TMC2: variants seen among roughly 807,000 people sequenced by gnomAD.
The protein encoded by TMC2 is transmembrane channel like 2.
Under a neutral mutation model 105.9 loss-of-function variants are expected in TMC2, and 102 were observed. The ratio of observed to expected loss-of-function variants is 0.96; its 90% CI spans 0.82 to 1.14. The LOEUF is 1.14. TMC2 is among the 50% of genes most tolerant of loss of function. The pLI is 0.00. For synonymous variants in TMC2, 402 were observed against 422.8 expected (o/e 0.95, Z 0.60); for missense variants, 1,093 against 1,134.3 (o/e 0.96, Z 0.52).
intron 8 of TMC2, among the ~76,000 whole-genome samples, chr20:2,594,300 T>C (rs923719427): frequency 6.8e-6 from 1 of 146,532 alleles, no homozygotes; most frequent in Admixed American, 7.1e-5. Context: ...TGATCTCTGC[T>C]CACTGCAACC....
intron 4 of TMC2, among the ~76,000 whole-genome samples, chr20:2,569,914 G>A (rs897202717): frequency 2.0e-5 from 3 of 152,134 alleles, no homozygotes; most frequent in South Asian, 2.1e-4. Flanking sequence ...CCTGCTCCAC[G>A]TTTGATAAAA....
At chr20:2,562,904 C>A (rs889023766) in intron 4 of TMC2, among the ~76,000 whole-genome samples, 3 of 151,908 alleles carry the variant, frequency 2.0e-5, no homozygotes, top group Admixed American at 2.0e-4. Context: ...CGAGATCATG[C>A]CACTGAACTC....
Position 2,579,228 on chromosome 20 carries a change from G to C in TMC2, c.727+1G>C, listed in dbSNP as rs146755005. The C allele has an allele frequency of 6.4e-7, 1 of 1,567,780 alleles. No individual in the cohort carries two copies. Among genetic ancestry groups the C allele is most frequent in the Non-Finnish European group, 8.8e-7 (1 of 1,137,950 alleles). ...GAAATGAAGATCAAGGACATTGAAA[G>C]TGAGTATGCTGGTGTCACTGTTTTT... On this transcript the variant is annotated splice_donor_variant, in intron 6 of 19. Coordinates refer to ENST00000358864, the MANE Select transcript of TMC2 (RefSeq NM_080751.3). LOFTEE classifies it high-confidence loss of function.
intron 11 of TMC2, among the ~76,000 whole-genome samples, chr20:2,603,983 C>T (rs2086370637): frequency 6.6e-6 from 1 of 152,032 alleles, no homozygotes; most frequent in South Asian, 2.1e-4. Context: ...CCATCAGTCA[C>T]TCCACTAATG....
Position 2,636,459 on chromosome 20 carries a change from T to TACACACACACACACACACACAC in TMC2, c.2385+468_2385+489dup, listed in dbSNP as rs3051763. Among the ~76,000 whole-genome samples, 11 of 143,520 alleles carry TACACACACACACACACACACAC rather than the reference T, an allele frequency of 7.7e-5. No homozygotes were observed. The East Asian group carries it at 8.4e-4, about 11-fold the overall frequency. 94.2% of individuals were successfully genotyped at this position (143,520 alleles called of 152,430 possible). ...TGACACCCTACTTCTGACTGCTGTC[T>TACACACACACACACACACACAC]ACACACACACACACACACACACACA... On this transcript the variant is annotated intron_variant, in intron 18 of 19. Transcript: ENST00000358864.
chr20:2,539,960 G>GCAAA (rs1257583280), intron 2 of TMC2, among the ~76,000 whole-genome samples: 1 of 150,180 alleles, frequency 6.7e-6, no homozygotes, highest in African/African-American at 2.4e-5. Flanking sequence ...CCCGCAAATA[G>GCAAA]CACACAAGAC....
At chr20:2,630,221 T>G (rs2086594257) in intron 17 of TMC2, among the ~76,000 whole-genome samples, 1 of 152,188 alleles carries the variant, frequency 6.6e-6, no homozygotes, top group African/African-American at 2.4e-5. Context: ...TGGATAGAAC[T>G]TTTAGAGTTG....
intron 11 of TMC2, among the ~76,000 whole-genome samples, chr20:2,605,542 G>C (rs2086384523): frequency 6.6e-6 from 1 of 152,080 alleles, no homozygotes; most frequent in East Asian, 1.9e-4. Flanking sequence ...TATTGGATTA[G>C]GTCCCACCCT....
At chr20:2,589,350 C>A (rs113730561) in intron 7 of TMC2, among the ~76,000 whole-genome samples, 5,192 of 133,328 alleles carry the variant, frequency 0.039, 298 homozygotes, top group African/African-American at 0.14. Context: ...CATGTTGCCC[C>A]GGCTGGTCTT....
At chr20:2,629,400 T>C (rs996157651) in intron 17 of TMC2, among the ~76,000 whole-genome samples, 3 of 151,712 alleles carry the variant, frequency 2.0e-5, no homozygotes, top group Admixed American at 1.3e-4. Flanking sequence ...TTTTGGAGAG[T>C]TGAGATAAGT....
intron 17 of TMC2, among the ~76,000 whole-genome samples, chr20:2,630,469 G>A (rs1336299212): frequency 1.3e-5 from 2 of 152,010 alleles, no homozygotes; most frequent in Non-Finnish European, 2.9e-5. Flanking sequence ...AACAATTTTT[G>A]TCTTAATGTG....
intron 5 of TMC2, among the ~76,000 whole-genome samples, chr20:2,577,542 A>G (rs2086155877): frequency 6.6e-6 from 1 of 152,082 alleles, no homozygotes; most frequent in Non-Finnish European, 1.5e-5. Context: ...CCTTCTTTAT[A>G]CAATCATTCA....
Position 2,558,639 on chromosome 20 carries a change from G to C in TMC2, c.266G>C (p.Gly89Ala). 1 of 1,571,532 alleles carries C rather than the reference G, an allele frequency of 6.4e-7. No individual in the cohort carries two copies. Residue 89 changes from glycine (G) to alanine (A), a missense_variant, in exon 3 of 20, where the codon GGC becomes GCC. Gly to Ala is a moderately conservative substitution (Grantham distance 60). Coordinates refer to ENST00000358864, the MANE Select transcript of TMC2 (RefSeq NM_080751.3). The surrounding 1 kb of genome is among the most constrained non-coding windows in gnomAD (Gnocchi z 4.6). ...GAAGAGCTGGGGGAGCAGGAGCGGG[G>C]CGAGGCAGAGAGGACCTGCGAGGGC... Reference protein sequence around the residue: ...HREELGEQERGEAERTCEGRR... With the variant: ...HREELGEQERAEAERTCEGRR...
In TMC2 at chr20:2,637,499, A is replaced by G. The variant is rs1201956115; in HGVS notation, c.2411A>G (p.Lys804Arg). The G allele has an allele frequency of 1.9e-6, 3 of 1,613,802 alleles. No homozygotes were observed. Among genetic ancestry groups the G allele is most frequent in the Non-Finnish European group, 1.7e-6 (2 of 1,179,882 alleles). ...CTCCGTGAAGTTGAGAAGAGTCACA[A>G]ATCTGTAAAAGGCAAAGCCACAGCC... ...QVLREVEKSH[K>R]SVKGKATARD... The change falls in exon 19 of 20, where the codon AAA becomes AGA. Residue 804 changes from lysine to arginine, a missense_variant. By Grantham distance (26) the Lys-to-Arg change is conservative (BLOSUM62 2). Transcript: ENST00000358864.
Position 2,599,539 on chromosome 20 carries a change from A to ATTTTTTT in TMC2, c.1224+2258_1224+2264dup, listed in dbSNP as rs11409325. ...CTTCGTTTTTTTTTTCTTTAATTAC[A>ATTTTTTT]TTTTTTTTTTTTTTTTTTTTTTTGG... On this transcript the variant is annotated intron_variant, in intron 10 of 19. Transcript: ENST00000358864. Among the ~76,000 whole-genome samples the ATTTTTTT allele has an allele frequency of 3.3e-4, 28 of 85,512 alleles. 1 individual carries two copies. Among genetic ancestry groups the ATTTTTTT allele is most frequent in the African/African-American group, 7.3e-4 (15 of 20,638 alleles). The allele number at this position is 85,512 out of a possible 152,430, so 56.1% of individuals were successfully genotyped here. A position where few individuals can be genotyped will look rare whatever the true frequency, so the allele number is the denominator to read the frequency against.
intron 11 of TMC2, among the ~76,000 whole-genome samples, chr20:2,608,876 C>A (rs1242595448): frequency 6.6e-6 from 1 of 152,160 alleles, no homozygotes; most frequent in African/African-American, 2.4e-5. Context: ...TTCTTGTGGG[C>A]AGAGTGTGTG....
At chr20:2,606,256 A>G (rs1033243439) in intron 11 of TMC2, among the ~76,000 whole-genome samples, 8 of 152,058 alleles carry the variant, frequency 5.3e-5, no homozygotes, top group African/African-American at 1.7e-4. Context: ...CAGTGTATTT[A>G]TTTATTTATT....
chr20:2,581,764 G>C (rs192769233), intron 7 of TMC2, among the ~76,000 whole-genome samples: 3 of 152,286 alleles, frequency 2.0e-5, no homozygotes. Flanking sequence ...CAATTTTAAG[G>C]ACACTCGGTT....
chr20:2,615,780 T>G (rs1361713036), intron 14 of TMC2, among the ~76,000 whole-genome samples: 1 of 152,264 alleles, frequency 6.6e-6, no homozygotes, highest in East Asian at 1.9e-4. Context: ...GATTATAATT[T>G]CAGGGTATGT....
Sources: gnomAD v4.1 joint callset for allele counts (sites outside exome capture counted in the v4.1 genomes callset) on GRCh38, gnomAD v4.1.1 for gene constraint, Gnocchi (gnomAD v3.1) non-coding constraint, MANE v1.5 for transcripts, NCBI Gene and HGNC (gene_info 2026-07-23, HGNC 2026-07-21) for gene names.